The following LRFN5 variants were observed in gnomAD, a reference collection of about 807,000 sequenced individuals.
The protein encoded by LRFN5 is leucine-rich repeat and fibronectin type-III domain-containing protein 5.
LRFN5 carries 24 observed loss-of-function variants against 45.6 expected under a neutral mutation model. That is an observed-to-expected ratio of 0.53 (90% confidence interval 0.38 to 0.74). The LOEUF (loss-of-function observed/expected upper bound fraction) is 0.74. LRFN5 is among the 30% of genes least tolerant of loss of function. The probability of loss-of-function intolerance (pLI) is 0.00; values close to 1 mark genes in which losing one functional copy is unlikely to be tolerated. For missense variants in LRFN5, 776 were observed against 861.5 expected (o/e 0.90, Z 1.24); for synonymous variants, 340 against 313.8 (o/e 1.08, Z -0.88).
At chr14:41,615,941 A>G (rs1460321377) in intron 1 of LRFN5, among the ~76,000 whole-genome samples, 1 of 152,082 alleles carries the variant, frequency 6.6e-6, no homozygotes, top group African/African-American at 2.4e-5. Flanking sequence ...TTGAATTACA[A>G]ACAATCAAAT....
chr14:41,814,114 C>G (rs1054355353), intron 2 of LRFN5, among the ~76,000 whole-genome samples: 1 of 152,042 alleles, frequency 6.6e-6, no homozygotes, highest in Non-Finnish European at 1.5e-5. Flanking sequence ...TGTAGATTGC[C>G]TGTTCACTCT....
chr14:41,898,557 T>A (rs1390149976), intron 4 of LRFN5, among the ~76,000 whole-genome samples: 2 of 152,018 alleles, frequency 1.3e-5, no homozygotes. Context: ...TTCTGATGAA[T>A]CTATATAGAT....
In LRFN5 at chr14:41,619,996, A is replaced by G. The variant is rs57338208; in HGVS notation, c.-197+11434A>G. Among the ~76,000 whole-genome samples the G allele has an allele frequency of 5.0e-3, 768 of 152,224 alleles. 4 individuals carry two copies. Among genetic ancestry groups the G allele is most frequent in the African/African-American group, 0.018 (745 of 41,566 alleles). ...AAATTACAATTGTACATAAAGAATA[A>G]TTGCAAATATTTTTATGCATAGCAT... On this transcript the variant is annotated intron_variant, in intron 1 of 5. Transcript: ENST00000298119.
At chr14:41,743,550 A>T (rs1416842637) in intron 1 of LRFN5, among the ~76,000 whole-genome samples, 1 of 152,202 alleles carries the variant, frequency 6.6e-6, no homozygotes, top group African/African-American at 2.4e-5. Flanking sequence ...GGAAAATGAA[A>T]ATGTTGACCA....
intron 1 of LRFN5, among the ~76,000 whole-genome samples, chr14:41,751,566 C>A (rs776252048): frequency 1.3e-4 from 20 of 151,958 alleles, no homozygotes; most frequent in Non-Finnish European, 4.4e-5. Flanking sequence ...GTGATACATA[C>A]AATGTATCTG....
At chr14:41,759,556 G>A (rs76454705) in intron 1 of LRFN5, among the ~76,000 whole-genome samples, 1,989 of 149,390 alleles carry the variant, frequency 0.013, 14 homozygotes, top group Middle Eastern at 0.039. Context: ...AAAGGGAAAC[G>A]CAATTAGACA....
At chr14:41,808,598 G>A (rs1887629578) in intron 2 of LRFN5, among the ~76,000 whole-genome samples, 1 of 148,188 alleles carries the variant, frequency 6.7e-6, no homozygotes, top group African/African-American at 2.6e-5. Context: ...AGGAAGGAAC[G>A]AAGGAAGGAA....
intron 4 of LRFN5, among the ~76,000 whole-genome samples, chr14:41,895,248 C>G (rs1479866775): frequency 6.6e-6 from 1 of 152,024 alleles, no homozygotes; most frequent in Non-Finnish European, 1.5e-5. Flanking sequence ...TTTTAAGAAG[C>G]AGTATATTTT....
chr14:41,879,455 A>C (rs1040835767), intron 2 of LRFN5, among the ~76,000 whole-genome samples: 2 of 151,912 alleles, frequency 1.3e-5, no homozygotes, highest in African/African-American at 4.8e-5. Context: ...AAATACTCAC[A>C]AATACCACAT....
intron 1 of LRFN5, among the ~76,000 whole-genome samples, chr14:41,716,538 C>G (rs1883502737): frequency 6.6e-6 from 1 of 152,146 alleles, no homozygotes; most frequent in African/African-American, 2.4e-5. Flanking sequence ...CTGCCAGTCT[C>G]TTTGCTAAAA....
At chr14:41,629,939 T>C (rs2138576579) in intron 1 of LRFN5, among the ~76,000 whole-genome samples, 1 of 152,278 alleles carries the variant, frequency 6.6e-6, no homozygotes, top group South Asian at 2.1e-4. Flanking sequence ...GTCACACACA[T>C]TATATTTAAA....
intron 1 of LRFN5, among the ~76,000 whole-genome samples, chr14:41,710,793 C>A (rs1199091929): frequency 6.6e-6 from 1 of 151,928 alleles, no homozygotes. Context: ...CGACAGGCCC[C>A]GGTGTGTGAT....
intron 2 of LRFN5, among the ~76,000 whole-genome samples, chr14:41,884,101 A>T (rs1890482034): frequency 1.3e-5 from 2 of 152,000 alleles, no homozygotes; most frequent in Admixed American, 6.6e-5. Context: ...GCCACCTGAG[A>T]CTCTGCTCTC....
intron 2 of LRFN5, among the ~76,000 whole-genome samples, chr14:41,837,827 G>C (rs1272033156): frequency 6.6e-6 from 1 of 152,216 alleles, no homozygotes. Context: ...TTCGAAGCTT[G>C]TAATGCAAAC....
rs1888762156 is a variant in LRFN5, at chr14:41,838,977, A to G, written c.-20-47629A>G. ...TCCCTTATGGAGACAGGGATTGGCT[A>G]TTGGAGAATGTCTTTTTGTTGTTGC... On this transcript the variant is annotated intron_variant, in intron 2 of 5. Coordinates refer to ENST00000298119, the MANE Select transcript of LRFN5 (RefSeq NM_152447.5). Among the ~76,000 whole-genome samples, 9 of 152,176 alleles carry G rather than the reference A, an allele frequency of 5.9e-5. No homozygotes were observed. The South Asian group carries it at 1.5e-3, about 25-fold the overall frequency.
chr14:41,654,850 T>C (rs1448388261), intron 1 of LRFN5, among the ~76,000 whole-genome samples: 3 of 152,044 alleles, frequency 2.0e-5, no homozygotes, highest in Non-Finnish European at 4.4e-5. Context: ...TAATTTTAGG[T>C]CACAGAATTA....
intron 1 of LRFN5, among the ~76,000 whole-genome samples, chr14:41,649,352 A>G (rs1276033178): frequency 6.6e-6 from 1 of 151,876 alleles, no homozygotes; most frequent in Non-Finnish European, 1.5e-5. Context: ...TAATATTGTC[A>G]TAGTTTTAAG....
chr14:41,751,753 A>G (rs529385608), intron 1 of LRFN5, among the ~76,000 whole-genome samples: 3 of 152,194 alleles, frequency 2.0e-5, no homozygotes, highest in Non-Finnish European at 4.4e-5. Context: ...CTTAAGTCCC[A>G]CACAAGAATG....
intron 2 of LRFN5, among the ~76,000 whole-genome samples, chr14:41,868,865 A>C (rs977011088): frequency 6.6e-6 from 1 of 152,178 alleles, no homozygotes; most frequent in African/African-American, 2.4e-5. Flanking sequence ...TTCGGTGTAG[A>C]AATTGAACAT....
Sources: allele counts gnomAD v4.1 joint callset (sites outside exome capture counted in the v4.1 genomes callset), GRCh38; gene constraint gnomAD v4.1.1; transcripts MANE v1.5; gene names NCBI Gene and HGNC (gene_info 2026-07-23, HGNC 2026-07-21).